Variants in XIRP2 observed in about 807,000 individuals in gnomAD.
XIRP2 encodes the protein xin actin-binding repeat-containing protein 2.
A neutral mutation model predicts 277.0 loss-of-function variants in XIRP2; 236 were observed. The observed-to-expected ratio is 0.85, with a 90% confidence interval of 0.77 to 0.95. The LOEUF (loss-of-function observed/expected upper bound fraction) is 0.95. Among genes scored for constraint, XIRP2 ranks in the 40% least tolerant of loss-of-function variants. XIRP2 has a pLI of 0.00. For synonymous variants in XIRP2, 1,490 were observed against 1,416.5 expected (o/e 1.05, Z -1.17); for missense variants, 4,640 against 4,157.5 (o/e 1.12, Z -3.19).
At chr2:167,119,640 G>T (rs1012954858) in intron 2 of XIRP2, among the ~76,000 whole-genome samples, 1 of 152,126 alleles carries the variant, frequency 6.6e-6, no homozygotes, top group East Asian at 1.9e-4. Context: ...TTTGATAGGT[G>T]CCCAATGTTT....
At chr2:166,890,776 TTTC>T (rs919808059) in intron 1 of XIRP2, among the ~76,000 whole-genome samples, 1 of 152,182 alleles carries the variant, frequency 6.6e-6, no homozygotes, top group African/African-American at 2.4e-5. Context: ...ATTTAACAAA[TTTC>T]TTCTTTTGTT....
At chr2:167,144,778 C>T (rs1418577193) in intron 3 of XIRP2, among the ~76,000 whole-genome samples, 1 of 152,060 alleles carries the variant, frequency 6.6e-6, no homozygotes, top group Non-Finnish European at 1.5e-5. Context: ...TGGGATATGG[C>T]ATCAGAATAT....
At chr2:167,071,159 C>T (rs1055853447) in intron 2 of XIRP2, among the ~76,000 whole-genome samples, 4 of 152,110 alleles carry the variant, frequency 2.6e-5, no homozygotes, top group Non-Finnish European at 4.4e-5. Flanking sequence ...AATAAAATTA[C>T]TTCCTAGGGT....
At position 167,201,299 on chromosome 2, in the gene XIRP2, GGGAAGGAAGGAAGGAAAGAACGAA is replaced by G. The variant is rs1693707244; in HGVS notation, c.563-9419_563-9396del. On this transcript the variant is annotated intron_variant, in intron 3 of 10. Coordinates refer to ENST00000409195, the MANE Select transcript of XIRP2 (RefSeq NM_152381.6). ...AAGGAAAGAAGGAAGGAGGGAGGGA[GGGAAGGAAGGAAGGAAAGAACGAA>G]GGAAGGAAGGAAGGAAGGAAAGAAG... Among the ~76,000 whole-genome samples the G allele has an allele frequency of 2.0e-5, 3 of 148,428 alleles. No homozygotes were observed. The South Asian group carries it at 6.5e-4, about 32-fold the overall frequency.
rs559568215 is a variant in XIRP2, at chr2:166,923,757, C to T, written c.408+19867C>T. 3.3e-5 allele frequency among the ~76,000 whole-genome samples: 5 copies of T among 152,188 alleles called. No individual in the cohort carries two copies. In the East Asian group the frequency reaches 9.7e-4, roughly 29 times the overall value. On this transcript the variant is annotated intron_variant, in intron 2 of 10. Coordinates refer to ENST00000409195, the MANE Select transcript of XIRP2 (RefSeq NM_152381.6). Reference sequence around the variant, plus strand: ...TTTCTACTGTCAGTTTGCTCTCTTTCACTGAAGGTTAATCTTCATGTTGAG... The same window carrying T: ...TTTCTACTGTCAGTTTGCTCTCTTTTACTGAAGGTTAATCTTCATGTTGAG...
At chr2:166,912,470 A>G (rs1684736800) in intron 2 of XIRP2, among the ~76,000 whole-genome samples, 4 of 152,170 alleles carry the variant, frequency 2.6e-5, no homozygotes, top group African/African-American at 9.7e-5. Context: ...AGGTCATTTA[A>G]TGACTTCTCT....
chr2:167,193,771 G>C (rs7604068), intron 3 of XIRP2, among the ~76,000 whole-genome samples: 2 of 151,272 alleles, frequency 1.3e-5, no homozygotes, highest in Non-Finnish European at 2.9e-5. Context: ...CCAGCTACTC[G>C]GGTGGCTGAG....
chr2:166,890,810 C>T (rs1684081911), intron 1 of XIRP2, among the ~76,000 whole-genome samples: 1 of 152,136 alleles, frequency 6.6e-6, no homozygotes, highest in Non-Finnish European at 1.5e-5. Context: ...TACCCATATC[C>T]TCCAGACAGT....
intron 3 of XIRP2, among the ~76,000 whole-genome samples, chr2:167,143,311 A>T (rs1044885559): frequency 3.3e-5 from 5 of 152,186 alleles, no homozygotes; most frequent in Non-Finnish European, 7.3e-5. Context: ...AGATACAGGA[A>T]GCAACTACTT....
At chr2:167,134,213 GTA>G (rs1221162759) in intron 2 of XIRP2, among the ~76,000 whole-genome samples, 1 of 150,450 alleles carries the variant, frequency 6.6e-6, no homozygotes, top group Non-Finnish European at 1.5e-5. Context: ...ATATATTCAT[GTA>G]TATTCATGTG....
At chr2:167,157,065 A>G (rs1436132176) in intron 3 of XIRP2, among the ~76,000 whole-genome samples, 1 of 152,160 alleles carries the variant, frequency 6.6e-6, no homozygotes, top group Non-Finnish European at 1.5e-5. Flanking sequence ...AATGTTGCTT[A>G]GAAATATTTA....
At chr2:167,015,767 G>T (rs1023786978) in intron 2 of XIRP2, among the ~76,000 whole-genome samples, 2 of 151,702 alleles carry the variant, frequency 1.3e-5, no homozygotes, top group Non-Finnish European at 2.9e-5. Context: ...ATGCCCATTT[G>T]TAAAAATTTT....
chr2:167,222,445 A>G (rs1241781127), intron 5 of XIRP2, among the ~76,000 whole-genome samples: 1 of 152,198 alleles, frequency 6.6e-6, no homozygotes, highest in Non-Finnish European at 1.5e-5. Context: ...GCCATTTTTA[A>G]CATTACCCAT....
At chr2:166,966,157 T>A (rs1437247811) in intron 2 of XIRP2, among the ~76,000 whole-genome samples, 1 of 151,854 alleles carries the variant, frequency 6.6e-6, no homozygotes, top group East Asian at 1.9e-4. Context: ...AACAAAAATT[T>A]AGGCTGAATT....
At chr2:167,223,533 A>G (rs567418512) in intron 5 of XIRP2, among the ~76,000 whole-genome samples, 2 of 152,300 alleles carry the variant, frequency 1.3e-5, no homozygotes, top group South Asian at 4.1e-4. Flanking sequence ...CTTGTGACAG[A>G]TATAATCTGA....
At chr2:167,130,721 T>A (rs771776641) in intron 2 of XIRP2, among the ~76,000 whole-genome samples, 4 of 152,078 alleles carry the variant, frequency 2.6e-5, no homozygotes, top group Non-Finnish European at 5.9e-5. Context: ...CTCTCTTAGA[T>A]CTCTTGGTGG....
At chr2:166,936,843 G>A (rs933104969) in intron 2 of XIRP2, among the ~76,000 whole-genome samples, 1 of 152,168 alleles carries the variant, frequency 6.6e-6, no homozygotes, top group Non-Finnish European at 1.5e-5. Flanking sequence ...AAGTCAGGTA[G>A]CATGATGCCT....
In XIRP2 at chr2:167,245,834, A is replaced by T; in HGVS notation, c.4442A>T (p.Asp1481Val). Residue 1481 changes from aspartate to valine, a missense_variant, in exon 9 of 11, where the codon GAT (aspartate) becomes GTT (valine). By Grantham distance (152) the Asp-to-Val change is radical. Transcript: ENST00000409195. ...AATATCAAGACAGTCACTCAGGAAG[A>T]TGTGCAGAAAGGTGATGTTAAGCAG... ...YENIKTVTQE[D>V]VQKGDVKQAV... 1 of 1,613,798 alleles carries T rather than the reference A, an allele frequency of 6.2e-7. No individual in the cohort carries two copies. The highest frequency in any genetic ancestry group is 8.5e-7 in the Non-Finnish European group (1 of 1,179,794).
intron 2 of XIRP2, among the ~76,000 whole-genome samples, chr2:167,086,843 T>A (rs1351986584): frequency 6.6e-6 from 1 of 151,450 alleles, no homozygotes; most frequent in African/African-American, 2.4e-5. Flanking sequence ...TATACATTCT[T>A]CTAAATTTTT....
Sources: gnomAD v4.1 joint callset for allele counts (sites outside exome capture counted in the v4.1 genomes callset) on GRCh38, gnomAD v4.1.1 for gene constraint, MANE v1.5 for transcripts, NCBI Gene and HGNC (gene_info 2026-07-23, HGNC 2026-07-21) for gene names.